Variants in WWOX observed in about 807,000 individuals in gnomAD.
The protein encoded by WWOX is WW domain-containing oxidoreductase.
A neutral mutation model predicts 46.2 loss-of-function variants in WWOX; 69 were observed. That is an observed-to-expected ratio of 1.49 (90% CI 1.23 to 1.82). The LOEUF is 1.82. Among genes scored for constraint, WWOX ranks in the 40% most tolerant of loss-of-function variants. The pLI is 0.00. For missense variants in WWOX, 919 were observed against 542.6 expected, an observed-to-expected ratio of 1.69 and a Z score of -6.89; for synonymous variants, 359 against 202.6, an observed-to-expected ratio of 1.77 and a Z score of -6.56.
At chr16:78,549,972 C>A (rs372345225) in intron 8 of WWOX, among the ~76,000 whole-genome samples, 17 of 152,038 alleles carry the variant, frequency 1.1e-4, no homozygotes, top group African/African-American at 2.7e-4. Context: ...CTGAAAATTC[C>A]CATCCCACCC....
intron 8 of WWOX, among the ~76,000 whole-genome samples, chr16:78,867,549 GT>G (rs1257095467): frequency 1.1e-4 from 16 of 148,918 alleles, no homozygotes; most frequent in Non-Finnish European, 1.5e-4. Context: ...GTGTGTTTTT[GT>G]TTTTTTTTAA....
intron 5 of WWOX, among the ~76,000 whole-genome samples, chr16:78,265,193 G>A (rs2079337085): frequency 6.6e-6 from 1 of 151,404 alleles, no homozygotes; most frequent in South Asian, 2.1e-4. Context: ...TAGAAACGGG[G>A]TTTCATCATG....
chr16:78,992,195 A>G (rs2046900993), intron 8 of WWOX, among the ~76,000 whole-genome samples: 1 of 152,216 alleles, frequency 6.6e-6, no homozygotes, highest in Non-Finnish European at 1.5e-5. Flanking sequence ...CGTGAGCTCC[A>G]ACGATGTCAC....
chr16:78,190,958 A>C (rs923225564), intron 5 of WWOX, among the ~76,000 whole-genome samples: 7 of 152,066 alleles, frequency 4.6e-5, no homozygotes, highest in African/African-American at 9.7e-5. Flanking sequence ...TGACTTTCTC[A>C]AGGACCTTTA....
At chr16:78,538,520 C>G (rs575535042) in intron 8 of WWOX, among the ~76,000 whole-genome samples, 2 of 152,270 alleles carry the variant, frequency 1.3e-5, no homozygotes, top group South Asian at 4.1e-4. Context: ...AGCCTGCCCT[C>G]CTCTTTAACT....
chr16:78,532,401 G>A (rs1380477459), intron 8 of WWOX, among the ~76,000 whole-genome samples: 1 of 152,178 alleles, frequency 6.6e-6, no homozygotes, highest in East Asian at 1.9e-4. Context: ...TCTTTGAAAT[G>A]ACCATAGTAA....
chr16:78,705,317 C>T (rs569705908), intron 8 of WWOX, among the ~76,000 whole-genome samples: 2 of 152,280 alleles, frequency 1.3e-5, no homozygotes, highest in East Asian at 3.9e-4. Flanking sequence ...GCTTCCGGAC[C>T]TAGCTGACAA....
chr16:78,955,503 C>T (rs1438170412), intron 8 of WWOX, among the ~76,000 whole-genome samples: 1 of 152,172 alleles, frequency 6.6e-6, no homozygotes, highest in Admixed American at 6.6e-5. Context: ...GCGCGAAGTT[C>T]ACCTCGTGTA....
At chr16:78,719,660 G>A (rs1055310709) in intron 8 of WWOX, among the ~76,000 whole-genome samples, 1 of 152,138 alleles carries the variant, frequency 6.6e-6, no homozygotes, top group Non-Finnish European at 1.5e-5. Context: ...GTCTTACACT[G>A]GTTTAGTAAT....
chr16:78,677,109 A>C (rs1032191504), intron 8 of WWOX, among the ~76,000 whole-genome samples: 2 of 151,230 alleles, frequency 1.3e-5, no homozygotes, highest in East Asian at 3.9e-4. Context: ...TCTCGTAGGC[A>C]TTATATTGCA....
At chr16:79,099,545 CAG>C (rs2150625896) in intron 8 of WWOX, among the ~76,000 whole-genome samples, 2 of 151,470 alleles carry the variant, frequency 1.3e-5, no homozygotes, top group Admixed American at 1.3e-4. Flanking sequence ...TCTCTTCTAA[CAG>C]AATCTAGAAA....
intron 8 of WWOX, chr16:78,503,823 T>C (rs878974137): frequency 3.3e-5 from 5 of 152,208 alleles, no homozygotes; most frequent in Admixed American, 3.3e-4. Flanking sequence ...ATGTCGACTC[T>C]TTTTCCTCTC....
intron 8 of WWOX, among the ~76,000 whole-genome samples, chr16:78,970,198 T>A (rs1486211645): frequency 6.6e-6 from 1 of 152,118 alleles, no homozygotes; most frequent in African/African-American, 2.4e-5. Context: ...AATGCCCCCT[T>A]TGAAAGCCAT....
rs543820650 is a variant in WWOX at position 78,377,124 on chromosome 16, C to T, written c.517-9736C>T. ...AGTGCTTAACAAGTTTCATTAAGAACACAGCTATTAAATATTCAGAATATA... is the reference window on the plus strand; with the variant it reads ...AGTGCTTAACAAGTTTCATTAAGAATACAGCTATTAAATATTCAGAATATA... On this transcript the variant is annotated intron_variant, in intron 5 of 8. Coordinates refer to ENST00000566780, the MANE Select transcript of WWOX (RefSeq NM_016373.4). Among the ~76,000 whole-genome samples the T allele has an allele frequency of 3.3e-5, 5 of 152,346 alleles. No individual in the cohort carries two copies. In the Middle Eastern group the frequency reaches 0.017, roughly 518 times the overall value.
At chr16:78,360,460 C>A (rs982919066) in intron 5 of WWOX, among the ~76,000 whole-genome samples, 1 of 151,890 alleles carries the variant, frequency 6.6e-6, no homozygotes, top group African/African-American at 2.4e-5. Flanking sequence ...CAGCGCACAC[C>A]TGTAATCCCA....
rs554217794 is a variant in WWOX, at chr16:78,599,722, G to A, written c.1056+166970G>A. ...CAGATGCCTTGTGTTTAGGAAGTGG[G>A]GTGTGGGCAACAGAGGGAGAATTGT... On this transcript the variant is annotated intron_variant, in intron 8 of 8. Transcript: ENST00000566780. 6.6e-5 allele frequency among the ~76,000 whole-genome samples: 10 copies of A among 152,248 alleles called. No homozygotes were observed. In the South Asian group the frequency reaches 2.1e-3, roughly 32 times the overall value.
chr16:78,781,164 A>G (rs2050314187), intron 8 of WWOX, among the ~76,000 whole-genome samples: 1 of 152,170 alleles, frequency 6.6e-6, no homozygotes, highest in Non-Finnish European at 1.5e-5. Flanking sequence ...CATTCACCAC[A>G]ACTGAAGTGT....
chr16:78,245,431 A>G (rs2037787003), intron 5 of WWOX, among the ~76,000 whole-genome samples: 2 of 152,346 alleles, frequency 1.3e-5, no homozygotes, highest in Non-Finnish European at 2.9e-5. Flanking sequence ...TCAAAGGTAC[A>G]AACGCTTGAG....
intron 8 of WWOX, among the ~76,000 whole-genome samples, chr16:78,512,940 T>G (rs898145904): frequency 1.3e-5 from 2 of 152,196 alleles, no homozygotes; most frequent in Admixed American, 1.3e-4. Flanking sequence ...GAAGGCCCAT[T>G]AGTGAAAAGA....
Sources: gnomAD v4.1 joint callset for allele counts (sites outside exome capture counted in the v4.1 genomes callset) on GRCh38, gnomAD v4.1.1 for gene constraint, MANE v1.5 for transcripts, NCBI Gene and HGNC (gene_info 2026-07-23, HGNC 2026-07-21) for gene names.